Variants in SLC25A21 observed in about 807,000 individuals in gnomAD.
The protein encoded by SLC25A21 is mitochondrial 2-oxodicarboxylate carrier.
A neutral mutation model predicts 43.8 loss-of-function variants in SLC25A21; 47 were observed. The observed-to-expected ratio is 1.07, with a 90% CI of 0.85 to 1.37. SLC25A21 has a LOEUF of 1.37. Ranked by LOEUF, SLC25A21 falls within the 40% of genes most tolerant of loss-of-function variation. The pLI is 0.00. For missense variants in SLC25A21, 352 were observed against 350.2 expected (o/e 1.00, Z -0.04); for synonymous variants, 131 against 121.3 (o/e 1.08, Z -0.52).
chr14:36,867,793 G>A (rs913584993), intron 2 of SLC25A21, among the ~76,000 whole-genome samples: 5 of 10,934 alleles, frequency 4.6e-4, no homozygotes, highest in African/African-American at 6.2e-4. Context: ...ATGCTTTCGT[G>A]TGTGTGTGTG....
intron 1 of SLC25A21, among the ~76,000 whole-genome samples, chr14:37,093,086 T>G (rs115312766): frequency 8.3e-4 from 126 of 152,304 alleles, no homozygotes; most frequent in African/African-American, 2.7e-3. Context: ...CTTCCATGGA[T>G]GTAAAATAAT....
chr14:37,049,025 CCCAAAA>C (rs1961649419), intron 1 of SLC25A21, among the ~76,000 whole-genome samples: 1 of 152,122 alleles, frequency 6.6e-6, no homozygotes, highest in Non-Finnish European at 1.5e-5. Context: ...CCTGCTCCCA[CCCAAAA>C]CCTTGTGAAT....
intron 1 of SLC25A21, among the ~76,000 whole-genome samples, chr14:36,999,936 C>T (rs1960451602): frequency 6.6e-6 from 1 of 152,096 alleles, no homozygotes; most frequent in African/African-American, 2.4e-5. Flanking sequence ...CCCAACAAAC[C>T]CTGACTGATC....
In SLC25A21 at chr14:37,102,385, G is replaced by A. The variant is rs576027919; in HGVS notation, c.70+69896C>T. ...TTGAACCAGGGAGGTGGAGGTTTCA[G>A]TGAGCTGAGATCATGCCAATGCACT... On this transcript the variant is annotated intron_variant, in intron 1 of 9. Coordinates refer to ENST00000331299, the MANE Select transcript of SLC25A21 (RefSeq NM_030631.4). 7.9e-5 allele frequency among the ~76,000 whole-genome samples: 12 copies of A among 151,880 alleles called. No homozygotes were observed. In the South Asian group the frequency reaches 1.7e-3, roughly 21 times the overall value.
At chr14:36,749,342 T>C (rs558445081) in intron 3 of SLC25A21, among the ~76,000 whole-genome samples, 1 of 152,294 alleles carries the variant, frequency 6.6e-6, no homozygotes, top group South Asian at 2.1e-4. Flanking sequence ...CAGGCCAGAA[T>C]CTTTGAAATC....
intron 1 of SLC25A21, among the ~76,000 whole-genome samples, chr14:37,052,595 ATAAT>A (rs1442996866): frequency 3.3e-5 from 5 of 152,176 alleles, no homozygotes; most frequent in Non-Finnish European, 5.9e-5. Context: ...AATCAGCAAA[ATAAT>A]TAATAACCAT....
At chr14:36,706,417 C>CAA (rs1883567180) in intron 7 of SLC25A21, among the ~76,000 whole-genome samples, 1 of 152,176 alleles carries the variant, frequency 6.6e-6, no homozygotes, top group Non-Finnish European at 1.5e-5. Flanking sequence ...CAGTAAGGGA[C>CAA]AAGACTTCAC....
chr14:36,894,934 T>C (rs1396002904), intron 1 of SLC25A21, among the ~76,000 whole-genome samples: 4 of 152,184 alleles, frequency 2.6e-5, no homozygotes, highest in South Asian at 2.1e-4. Flanking sequence ...CTGCTGGATT[T>C]GGTTTGCCAG....
chr14:37,150,136 T>C (rs564017267), intron 1 of SLC25A21, among the ~76,000 whole-genome samples: 27 of 152,262 alleles, frequency 1.8e-4, no homozygotes, highest in African/African-American at 6.5e-4. Context: ...GAGTCCCAGA[T>C]ACATAAATAA....
intron 1 of SLC25A21, among the ~76,000 whole-genome samples, chr14:37,067,478 T>A (rs116320700): frequency 0.026 from 3,974 of 152,304 alleles, 69 homozygotes; most frequent in Middle Eastern, 0.048. Context: ...ATTATAAGCA[T>A]GTTTTCAGAC....
intron 3 of SLC25A21, among the ~76,000 whole-genome samples, chr14:36,791,751 G>T (rs189716657): frequency 4.6e-5 from 7 of 152,068 alleles, no homozygotes; most frequent in Non-Finnish European, 4.4e-5. Flanking sequence ...TAACCACCCC[G>T]CTTTGCTCTC....
intron 2 of SLC25A21, among the ~76,000 whole-genome samples, chr14:36,867,839 CATA>C (rs1309961715): frequency 3.3e-5 from 5 of 150,104 alleles, no homozygotes; most frequent in Admixed American, 1.3e-4. Flanking sequence ...ATTTATTTTT[CATA>C]ATAATGTGGA....
chr14:36,862,870 TTATA>T lies in SLC25A21; in HGVS notation c.119+12082_119+12085del, dbSNP rs1182727461. On this transcript the variant is annotated intron_variant, in intron 2 of 9. Transcript: ENST00000331299. ...CACATCAATTTATTTTATTTGCATA[TTATA>T]TAGTTATTAAATTATAGTAACACGC... Among the ~76,000 whole-genome samples the T allele has an allele frequency of 5.9e-5, 9 of 152,216 alleles. No homozygotes were observed. In the East Asian group the frequency reaches 1.7e-3, roughly 29 times the overall value.
intron 1 of SLC25A21, among the ~76,000 whole-genome samples, chr14:37,052,326 G>A (rs193079209): frequency 3.9e-5 from 6 of 152,240 alleles, no homozygotes; most frequent in East Asian, 3.9e-4. Flanking sequence ...GGTCCAAACC[G>A]GGCTATGCAA....
At chr14:36,987,202 A>G (rs1001576127) in intron 1 of SLC25A21, among the ~76,000 whole-genome samples, 3 of 152,132 alleles carry the variant, frequency 2.0e-5, no homozygotes, top group African/African-American at 4.8e-5. Flanking sequence ...CATGGGAAAA[A>G]GGCAGCCCAA....
chr14:36,799,804 C>T (rs1216221019), intron 3 of SLC25A21, among the ~76,000 whole-genome samples: 6 of 152,100 alleles, frequency 3.9e-5, no homozygotes, highest in Non-Finnish European at 5.9e-5. Context: ...GTTCTGAGGA[C>T]TAAATGAGAG....
intron 1 of SLC25A21, among the ~76,000 whole-genome samples, chr14:36,906,537 C>T (rs765708743): frequency 3.4e-4 from 51 of 150,886 alleles, no homozygotes; most frequent in Non-Finnish European, 6.8e-4. Flanking sequence ...GATGGAGTCT[C>T]ACTCTGTCGC....
chr14:37,094,703 C>G (rs1227360882), intron 1 of SLC25A21, among the ~76,000 whole-genome samples: 3 of 149,466 alleles, frequency 2.0e-5, no homozygotes, highest in Non-Finnish European at 4.4e-5. Flanking sequence ...GTCCATTTTA[C>G]AGGGTGCTCA....
intron 1 of SLC25A21, among the ~76,000 whole-genome samples, chr14:36,890,586 C>A (rs1312945210): frequency 6.6e-6 from 1 of 152,126 alleles, no homozygotes; most frequent in East Asian, 1.9e-4. Flanking sequence ...ACAGTAACTA[C>A]TAACATTTGG....
Sources: gnomAD v4.1 joint callset for allele counts (sites outside exome capture counted in the v4.1 genomes callset) on GRCh38, gnomAD v4.1.1 for gene constraint, MANE v1.5 for transcripts, NCBI Gene and HGNC (gene_info 2026-07-23, HGNC 2026-07-21) for gene names.